The following CTSA variants were observed in gnomAD, a reference collection of about 807,000 sequenced individuals.
The protein encoded by CTSA is cathepsin A, also known as lysosomal protective protein.
In CTSA, 42 loss-of-function variants were observed where a neutral mutation model predicts 66.7. That is an observed-to-expected ratio of 0.63 (90% CI 0.49 to 0.81). The LOEUF (loss-of-function observed/expected upper bound fraction) is 0.81. Ranked by LOEUF, CTSA falls within the 40% of genes least tolerant of loss-of-function variation. The pLI, the probability that CTSA is intolerant of heterozygous loss-of-function variation, is 0.00. For synonymous variants in CTSA, 225 were observed against 248.6 expected (o/e 0.91, Z 0.89); for missense variants, 525 against 610.9 (o/e 0.86, Z 1.48).
intron 3 of CTSA, 24 bp from the exon 4 acceptor site, chr20:45,892,249 C>G (rs770033692): frequency 6.2e-7 from 1 of 1,613,360 alleles, no homozygotes; most frequent in Non-Finnish European, 8.5e-7. Flanking sequence ...TTGGGACTTA[C>G]TCAGCCATCT....
rs1286875049 is a variant in CTSA, at chr20:45,891,790, T to C, written c.194+28T>C. On this transcript the variant is annotated intron_variant, in intron 2 of 14. Coordinates refer to ENST00000646241, the MANE Select transcript of CTSA (RefSeq NM_000308.4). This position sits in a 1 kb window ranked among gnomAD's most constrained non-coding sequence, Gnocchi z 4.6. ...CTGCCGCCCTGCCTTCTGGGCGGGA[T>C]TGGGAGAAGAGATGACGGATGAGGG... 1.1e-5 allele frequency: 18 copies of C among 1,613,382 alleles called. No homozygotes were observed. The highest frequency in any genetic ancestry group is 1.4e-5 in the Non-Finnish European group (16 of 1,179,714).
chr20:45,891,392 C>G lies in CTSA; in HGVS notation c.-1+13C>G, dbSNP rs771295717. 6.4e-7 allele frequency: 1 copy of G among 1,567,026 alleles called. No individual in the cohort carries two copies. The highest frequency in any genetic ancestry group is 8.6e-7 in the Non-Finnish European group (1 of 1,156,574). On this transcript the variant is annotated intron_variant, in intron 1 of 14. Coordinates refer to ENST00000646241, the MANE Select transcript of CTSA (RefSeq NM_000308.4). This position sits in a 1 kb window ranked among gnomAD's most constrained non-coding sequence, Gnocchi z 4.6. ...CGGGGGAGCAGAGGTGAGCTGGCAC[C>G]GGAGGCTGGAGGGGATCCCCGAGCC...
At chr20:45,897,606 G>T in intron 12 of CTSA, 111 bp from the exon 13 acceptor site, 1 of 752,078 alleles carries the variant, frequency 1.3e-6, no homozygotes, top group South Asian at 1.4e-5. Flanking sequence ...TCCCTGGTTC[G>T]TGTTATCTAG....
intron 5 of CTSA, 93 bp from the exon 6 acceptor site, chr20:45,892,628 CACAA>C: frequency 6.4e-7 from 1 of 1,553,384 alleles, no homozygotes; most frequent in South Asian, 1.1e-5. Context: ...CTTCCTCTTG[CACAA>C]ATAGGGTGGG....
intron 13 of CTSA, 47 bp downstream of exon 13, chr20:45,897,853 T>C (rs561109812): frequency 3.9e-6 from 6 of 1,525,678 alleles, no homozygotes; most frequent in South Asian, 1.1e-5. Context: ...CTGTGGAGGA[T>C]TGGGAGCGGG....
chr20:45,897,113 T>A, intron 12 of CTSA, 73 bp downstream of exon 12: 1 of 1,180,708 alleles, frequency 8.5e-7, no homozygotes, highest in Non-Finnish European at 1.3e-6. Flanking sequence ...CTGGGGGCCC[T>A]TGAGACTTCC....
At chr20:45,895,455 C>T (rs1238701348) in intron 11 of CTSA, among the ~76,000 whole-genome samples, 1 of 83,642 alleles carries the variant, frequency 1.2e-5, no homozygotes, top group Admixed American at 1.4e-4. Flanking sequence ...GCTGGGACTA[C>T]AGACGCACCA....
chr20:45,893,500 TG>T (rs1987085204), intron 7 of CTSA, 189 bp downstream of exon 7: 15 of 582,494 alleles, frequency 2.6e-5, no homozygotes, highest in Non-Finnish European at 4.0e-5. Context: ...TTTTTTTTTT[TG>T]AGACAGATTC....
At chr20:45,897,424 C>T (rs2083122446) in intron 12 of CTSA, 1 of 500,440 alleles carries the variant, frequency 2.0e-6, no homozygotes, top group Non-Finnish European at 3.6e-6. Context: ...TCTGGAGTCA[C>T]ATGGCCTGGG....
rs750928198 is a variant in CTSA, at chr20:45,891,627, TG to T, written c.60del (p.Ser21ProfsTer71). ...CTGCTGCTGCTGCTGCTGCTGCTAG[TG>T]TCCTGGGCGTCCCGAGGCGAGGCAG... The part of the protein sequence containing the change: ...FLLLLLLLLL[V>X]SWASRGEAAP... On this transcript the variant is annotated frameshift_variant, in exon 2 of 15. Transcript: ENST00000646241. LOFTEE classifies it high-confidence loss of function. This position sits in a 1 kb window ranked among gnomAD's most constrained non-coding sequence, Gnocchi z 4.6. 9 of 1,611,146 alleles carry T rather than the reference TG, an allele frequency of 5.6e-6. No individual in the cohort carries two copies. The highest frequency in any genetic ancestry group is 5.0e-5 in the Admixed American group (3 of 59,964).
At chr20:45,896,601 T>G in intron 11 of CTSA, 2 of 263,594 alleles carry the variant, frequency 7.6e-6, no homozygotes, top group African/African-American at 2.7e-5. Context: ...CCTGGCTAAT[T>G]TTTGTATTTT....
chr20:45,895,564 C>A (rs1231869410), intron 11 of CTSA, among the ~76,000 whole-genome samples: 1 of 152,126 alleles, frequency 6.6e-6, no homozygotes, highest in Non-Finnish European at 1.5e-5. Flanking sequence ...CTGCCCATTT[C>A]AGCCTCCCAA....
rs968222440 is a variant in CTSA at position 45,891,565 on chromosome 20, G to A, written c.1-4G>A. ...GTCAACAGCCCCTCTGCTGCCTCCC[G>A]TAGATGATCCGAGCCGCGCCGCCGC... On this transcript the variant is annotated splice_polypyrimidine_tract_variant and splice_region_variant and intron_variant, in intron 1 of 14. Transcript: ENST00000646241. This position sits in a 1 kb window ranked among gnomAD's most constrained non-coding sequence, Gnocchi z 4.6. 1.4e-5 allele frequency: 23 copies of A among 1,603,174 alleles called. No individual in the cohort carries two copies. Among genetic ancestry groups the A allele is most frequent in the Middle Eastern group, 1.7e-4 (1 of 5,822 alleles).
In CTSA at chr20:45,891,395, A is replaced by G; in HGVS notation, c.-1+16A>G. On this transcript the variant is annotated intron_variant, in intron 1 of 14. Coordinates refer to ENST00000646241, the MANE Select transcript of CTSA (RefSeq NM_000308.4). The surrounding 1 kb of genome is among the most constrained non-coding windows in gnomAD (Gnocchi z 4.6). ...GGGAGCAGAGGTGAGCTGGCACCGG[A>G]GGCTGGAGGGGATCCCCGAGCCCGG... 6.4e-7 allele frequency: 1 copy of G among 1,565,770 alleles called. No individual in the cohort carries two copies. The highest frequency in any genetic ancestry group is 1.2e-5 in the South Asian group (1 of 85,612).
At position 45,895,151 on chromosome 20, in the gene CTSA, C is replaced by T. The variant is rs1306960764; in HGVS notation, c.1088+18C>T. ...ATGTGCAAGTGAGGTTCCGTGGCCACCTGTGACTTGGGGTGGTGGGTTGCT... is the reference window on the plus strand; with the variant it reads ...ATGTGCAAGTGAGGTTCCGTGGCCATCTGTGACTTGGGGTGGTGGGTTGCT... On this transcript the variant is annotated intron_variant, in intron 11 of 14. Coordinates refer to ENST00000646241, the MANE Select transcript of CTSA (RefSeq NM_000308.4). 4 of 1,613,892 alleles carry T rather than the reference C, an allele frequency of 2.5e-6. No homozygotes were observed. The highest frequency in any genetic ancestry group is 3.4e-6 in the Non-Finnish European group (4 of 1,180,030).
Position 45,892,774 on chromosome 20 carries a change from C to A in CTSA, c.494C>A (p.Pro165Gln). The A allele has an allele frequency of 6.2e-7, 1 of 1,614,210 alleles. No individual in the cohort carries two copies. Among genetic ancestry groups the A allele is most frequent in the Admixed American group, 1.7e-5 (1 of 60,018 alleles). The change falls in exon 6 of 15, where the codon CCG becomes CAG. Residue 165 changes from proline to glutamine, a missense_variant. By Grantham distance (76) the Pro-to-Gln change is moderately conservative. Coordinates refer to ENST00000646241, the MANE Select transcript of CTSA (RefSeq NM_000308.4). Reference sequence around the variant, plus strand: ...CTTCAAGATTTCTTCCGCCTCTTTCCGGAGTACAAGAACAACAAACTTTTC... The same window carrying A: ...CTTCAAGATTTCTTCCGCCTCTTTCAGGAGTACAAGAACAACAAACTTTTC... ...EALQDFFRLF[P>Q]EYKNNKLFLT...
intron 3 of CTSA, 89 bp from the exon 4 acceptor site, chr20:45,892,184 T>C (rs1986993676): frequency 6.7e-7 from 1 of 1,481,978 alleles, no homozygotes; most frequent in Non-Finnish European, 9.4e-7. Flanking sequence ...TCAGAGGTTT[T>C]ACCCACATGT....
chr20:45,892,403 C>T lies in CTSA; in HGVS notation c.363C>T (p.Ala121=). 1 of 1,614,148 alleles carries T rather than the reference C, an allele frequency of 6.2e-7. No homozygotes were observed. The highest frequency in any genetic ancestry group is 8.5e-7 in the Non-Finnish European group (1 of 1,180,016). ...EYNPYSWNLI[A]NVLYLESPAG... ...AATTTTTCCCTCCCCTCTAGATTGC[C>T]AATGTGTTATACCTGGAGTCCCCAG... The change falls in exon 5 of 15, where the codon GCC becomes GCT. Residue 121 remains alanine (A), a synonymous_variant. Transcript: ENST00000646241.
Position 45,898,230 on chromosome 20 carries a change from G to C in CTSA, c.1359+121G>C. 1 of 1,360,708 alleles carries C rather than the reference G, an allele frequency of 7.3e-7. No homozygotes were observed. The highest frequency in any genetic ancestry group is 1.0e-6 in the Non-Finnish European group (1 of 968,818). 84.3% of individuals were successfully genotyped at this position (1,360,708 alleles called of 1,614,324 possible). A position where few individuals can be genotyped will look rare whatever the true frequency, so the allele number is the denominator to read the frequency against. On this transcript the variant is annotated intron_variant, in intron 14 of 14. Coordinates refer to ENST00000646241, the MANE Select transcript of CTSA (RefSeq NM_000308.4). This position sits in a 1 kb window ranked among gnomAD's most constrained non-coding sequence, Gnocchi z 4.6. ...GGGTCACCATCTGGCCCCTGTATGG[G>C]CAAGTTTTTTTGGAGAGGGGTGGGG... is the stretch of plus-strand genomic sequence containing the variant.
Sources: gnomAD v4.1 joint callset for allele counts (sites outside exome capture counted in the v4.1 genomes callset) on GRCh38, gnomAD v4.1.1 for gene constraint, Gnocchi (gnomAD v3.1) non-coding constraint, MANE v1.5 for transcripts, NCBI Gene and HGNC (gene_info 2026-07-23, HGNC 2026-07-21) for gene names.